RNGTT: variants seen among roughly 807,000 people sequenced by gnomAD.
RNGTT encodes the protein RNA guanylyltransferase and 5'-phosphatase.
Under a neutral mutation model 79.3 loss-of-function variants are expected in RNGTT, and 33 were observed. That is an observed-to-expected ratio of 0.42 (90% confidence interval 0.32 to 0.56). The LOEUF is 0.56. RNGTT is among the 20% of genes least tolerant of loss of function. The pLI is 0.17. For synonymous variants in RNGTT, 222 were observed against 235.9 expected, an observed-to-expected ratio of 0.94 and a Z score of 0.54; for missense variants, 497 against 739.1, an observed-to-expected ratio of 0.67 and a Z score of 3.80.
At position 88,637,360 on chromosome 6, in the gene RNGTT, T is replaced by C. The variant is rs373355074; in HGVS notation, c.1507-22965A>G. On this transcript the variant is annotated intron_variant, in intron 14 of 15. Transcript: ENST00000369485. Reference sequence around the variant, plus strand: ...GTAAATGAAGAAAAATAATAAACTATTTGGTTTATTTTCATTCTGTTGTTC... The same window carrying C: ...GTAAATGAAGAAAAATAATAAACTACTTGGTTTATTTTCATTCTGTTGTTC... Among the ~76,000 whole-genome samples, 3 of 152,204 alleles carry C rather than the reference T, an allele frequency of 2.0e-5. No homozygotes were observed. The South Asian group carries it at 6.2e-4, about 32-fold the overall frequency.
rs192929166 is a variant in RNGTT at position 88,667,811 on chromosome 6, G to A, written c.1506+10542C>T. On this transcript the variant is annotated intron_variant, in intron 14 of 15. Transcript: ENST00000369485. Reference sequence around the variant, plus strand: ...TCCGGAAAGGTGGAGTGAATGAATCGGACTATAAAAAATAGCTTAGGGAAA... The same window carrying A: ...TCCGGAAAGGTGGAGTGAATGAATCAGACTATAAAAAATAGCTTAGGGAAA... Among the ~76,000 whole-genome samples, 297 of 152,208 alleles carry A rather than the reference G, an allele frequency of 2.0e-3. 4 individuals carry two copies. Among genetic ancestry groups the A allele is most frequent in the African/African-American group, 7.0e-3 (291 of 41,534 alleles).
At chr6:88,619,358 G>A (rs1454223110) in intron 14 of RNGTT, among the ~76,000 whole-genome samples, 1 of 152,064 alleles carries the variant, frequency 6.6e-6, no homozygotes, top group East Asian at 1.9e-4. Context: ...TGTAGAGATG[G>A]GGTATCCCCA....
At position 88,750,003 on chromosome 6, in the gene RNGTT, T is replaced by C. The variant is rs548416422; in HGVS notation, c.1439+19771A>G. Among the ~76,000 whole-genome samples the C allele has an allele frequency of 3.3e-5, 5 of 152,148 alleles. No homozygotes were observed. In the South Asian group the frequency reaches 1.0e-3, roughly 31 times the overall value. ...ATAGTCACAAGACATTCTCCCCTCA[T>C]GTATAATCTCTCTGTGTCTTCCTTC... is the stretch of plus-strand genomic sequence containing the variant. On this transcript the variant is annotated intron_variant, in intron 13 of 15. Coordinates refer to ENST00000369485, the MANE Select transcript of RNGTT (RefSeq NM_003800.5).
rs141670054 is a variant in RNGTT, at chr6:88,658,266, G to A, written c.1506+20087C>T. Among the ~76,000 whole-genome samples, 316 of 152,282 alleles carry A rather than the reference G, an allele frequency of 2.1e-3. 2 individuals are homozygous for A. The highest frequency in any genetic ancestry group is 7.4e-3 in the African/African-American group (307 of 41,558). Reference sequence around the variant, plus strand: ...GTCCAGAGTCTGTCCATATGACAACGTCACCACTAGCATAACCACATTCAA... The same window carrying A: ...GTCCAGAGTCTGTCCATATGACAACATCACCACTAGCATAACCACATTCAA... On this transcript the variant is annotated intron_variant, in intron 14 of 15. Coordinates refer to ENST00000369485, the MANE Select transcript of RNGTT (RefSeq NM_003800.5).
chr6:88,711,741 C>T (rs780747035), intron 13 of RNGTT, among the ~76,000 whole-genome samples: 1 of 152,178 alleles, frequency 6.6e-6, no homozygotes, highest in Admixed American at 6.5e-5. Context: ...AATACCTACA[C>T]GGATAAACTA....
chr6:88,647,711 A>AAAAAAAAAAAAAAAAAAAAAAAAAAAG (rs1773628109), intron 14 of RNGTT, among the ~76,000 whole-genome samples: 1 of 148,366 alleles, frequency 6.7e-6, no homozygotes, highest in African/African-American at 2.6e-5. Flanking sequence ...TAAAAAAAAA[A>AAAAAAAAAAAAAAAAAAAAAAAAAAAG]AAAAAAGAAG....
chr6:88,957,584 C>T (rs568942401), intron 1 of RNGTT, among the ~76,000 whole-genome samples: 2 of 152,124 alleles, frequency 1.3e-5, no homozygotes, highest in South Asian at 2.1e-4. Flanking sequence ...AATGGCCAAG[C>T]TGAGAATCAA....
At chr6:88,644,223 C>G (rs1208853452) in intron 14 of RNGTT, among the ~76,000 whole-genome samples, 1 of 152,150 alleles carries the variant, frequency 6.6e-6, no homozygotes, top group East Asian at 1.9e-4. Context: ...ACTATAAATA[C>G]CTCTATGAAA....
intron 14 of RNGTT, among the ~76,000 whole-genome samples, chr6:88,656,272 C>A (rs903319556): frequency 6.6e-6 from 1 of 152,008 alleles, no homozygotes; most frequent in Admixed American, 6.6e-5. Context: ...AAGGAGTTAC[C>A]GTCTTGGATG....
chr6:88,962,839 G>C (rs1785683569), intron 1 of RNGTT, among the ~76,000 whole-genome samples: 1 of 152,074 alleles, frequency 6.6e-6, no homozygotes, highest in Admixed American at 6.5e-5. Flanking sequence ...GCTGAGGTGG[G>C]AGGATCCCCA....
chr6:88,921,980 G>A (rs1304308586), intron 4 of RNGTT, among the ~76,000 whole-genome samples: 1 of 152,016 alleles, frequency 6.6e-6, no homozygotes. Flanking sequence ...GAGCATCAGA[G>A]GATTTTGGTA....
chr6:88,801,613 G>T lies in RNGTT; in HGVS notation c.1289C>A (p.Ala430Asp), dbSNP rs1415760355. The T allele has an allele frequency of 1.9e-6, 3 of 1,610,276 alleles. No individual in the cohort carries two copies. Among genetic ancestry groups the T allele is most frequent in the Non-Finnish European group, 2.5e-6 (3 of 1,177,956 alleles). Residue 430 changes from alanine (A) to aspartate (D), a missense_variant, in exon 12 of 16, where the codon GCC becomes GAC. Transcript: ENST00000369485. ...ATCCATTTCATGGCTCACTTCTTTG[G>T]CAAAATTTCCTTCAAGTAGCTATAA... The part of the protein sequence containing the change: ...TSRKLLEGNF[A>D]KEVSHEMDGL...
chr6:88,878,600 G>A (rs988457808), intron 8 of RNGTT, among the ~76,000 whole-genome samples: 3 of 151,950 alleles, frequency 2.0e-5, no homozygotes, highest in African/African-American at 7.3e-5. Context: ...CTGAATTCCT[G>A]AATACTAGAT....
chr6:88,813,667 T>A (rs1269210838), intron 11 of RNGTT, among the ~76,000 whole-genome samples: 4 of 152,170 alleles, frequency 2.6e-5, no homozygotes, highest in Admixed American at 6.6e-5. Flanking sequence ...AGCAAGAAAC[T>A]GAGAATCCAA....
chr6:88,703,012 C>T (rs1202698250), intron 13 of RNGTT, among the ~76,000 whole-genome samples: 3 of 152,256 alleles, frequency 2.0e-5, no homozygotes, highest in East Asian at 1.9e-4. Context: ...TACCATCTCA[C>T]ACCAGTAAGA....
chr6:88,672,144 A>G (rs1774667845), intron 14 of RNGTT, among the ~76,000 whole-genome samples: 1 of 152,002 alleles, frequency 6.6e-6, no homozygotes, highest in African/African-American at 2.4e-5. Flanking sequence ...TCTGTACAAC[A>G]AAAGAAATAA....
intron 11 of RNGTT, among the ~76,000 whole-genome samples, chr6:88,830,522 GAAGT>G (rs1422634655): frequency 6.6e-6 from 1 of 151,506 alleles, no homozygotes; most frequent in African/African-American, 2.4e-5. Flanking sequence ...AAGAAACAGA[GAAGT>G]AAGAGCAAAC....
At chr6:88,937,784 T>G (rs754162440) in intron 2 of RNGTT, among the ~76,000 whole-genome samples, 21 of 152,210 alleles carry the variant, frequency 1.4e-4, no homozygotes, top group Admixed American at 8.5e-4. Flanking sequence ...CCACCTTAAT[T>G]TCTTCCTTGA....
intron 5 of RNGTT, 83 bp downstream of exon 5, chr6:88,906,282 G>GA: frequency 2.4e-6 from 2 of 822,494 alleles, no homozygotes; most frequent in East Asian, 5.4e-5. Context: ...CCAAAAACTT[G>GA]ACAATACAAA....
Sources: allele counts gnomAD v4.1 joint callset (sites outside exome capture counted in the v4.1 genomes callset), GRCh38; gene constraint gnomAD v4.1.1; transcripts MANE v1.5; gene names NCBI Gene and HGNC (gene_info 2026-07-23, HGNC 2026-07-21).